MRTFB: variants seen among roughly 807,000 people sequenced by gnomAD.
MRTFB encodes the protein myocardin related transcription factor B, also known as myocardin-related transcription factor B.
MRTFB carries 29 observed loss-of-function variants against 104.2 expected under a neutral mutation model. That is an observed-to-expected ratio of 0.28 (90% CI 0.21 to 0.38). MRTFB has a LOEUF of 0.38. Ranked by LOEUF, MRTFB falls within the 10% of genes least tolerant of loss-of-function variation. MRTFB has a pLI of 1.00. For synonymous variants in MRTFB, 535 were observed against 519.5 expected (o/e 1.03, Z -0.41); for missense variants, 1,270 against 1,341.6 (o/e 0.95, Z 0.83).
intron 2 of MRTFB, among the ~76,000 whole-genome samples, chr16:14,121,520 T>C (rs2036843108): frequency 6.6e-6 from 1 of 152,234 alleles, no homozygotes; most frequent in Admixed American, 6.5e-5. Flanking sequence ...AAAAATTAAA[T>C]AAGTTAGAGA....
chr16:14,058,919 C>T, the MRTFB span, among the ~76,000 whole-genome samples: 1 of 151,710 alleles, frequency 6.6e-6, no homozygotes, highest in Non-Finnish European at 1.5e-5. Flanking sequence ...AGGGTTTTGC[C>T]ATGTTGGCCA....
intron 3 of MRTFB, among the ~76,000 whole-genome samples, chr16:14,154,748 GCTTA>G (rs2038766817): frequency 6.6e-6 from 1 of 152,204 alleles, no homozygotes; most frequent in Non-Finnish European, 1.5e-5. Flanking sequence ...TCATGTCCAA[GCTTA>G]CTTACTTTGC....
the MRTFB span, among the ~76,000 whole-genome samples, chr16:14,064,150 C>G: frequency 6.6e-6 from 1 of 152,250 alleles, no homozygotes; most frequent in East Asian, 1.9e-4. Flanking sequence ...TATTTTTTGA[C>G]TTTTTAATAA....
At chr16:14,208,166 A>G (rs970983961) in intron 3 of MRTFB, among the ~76,000 whole-genome samples, 9 of 152,290 alleles carry the variant, frequency 5.9e-5, no homozygotes, top group Middle Eastern at 6.8e-3. Flanking sequence ...TTAGCATGAA[A>G]GTGTGATTTC....
rs76779292 is a variant in MRTFB, at chr16:14,114,458, G to A, written c.-63-26086G>A. Among the ~76,000 whole-genome samples the A allele has an allele frequency of 1.5e-3, 235 of 152,162 alleles. 2 individuals carry two copies. The highest frequency in any genetic ancestry group is 5.6e-3 in the African/African-American group (233 of 41,506). ...AATTCCCACATTTATTCTATTTTTA[G>A]GTTCCAGCTACCTTCCAGAACATCA... is the stretch of plus-strand genomic sequence containing the variant. On this transcript the variant is annotated intron_variant, in intron 2 of 16. Coordinates refer to ENST00000571589, the MANE Select transcript of MRTFB (RefSeq NM_001308142.2).
rs749106573 is a variant in MRTFB, at chr16:14,247,439, C to T, written c.2179C>T (p.Leu727Phe). 6.2e-7 allele frequency: 1 copy of T among 1,605,700 alleles called. No individual in the cohort carries two copies. The highest frequency in any genetic ancestry group is 1.1e-5 in the South Asian group (1 of 90,422). ...LLTTQTAQLL[L>F]PVSIQGSSVT... The stretch of plus-strand genomic sequence containing the variant: ...GACCACGCAGACTGCTCAGCTGCTG[C>T]TCCCAGTGTCCATCCAGGGCTCGAG... The change falls in exon 12 of 17, where the codon CTC becomes TTC. Residue 727 changes from leucine (L) to phenylalanine (F), a missense_variant. Around this residue, in one of 3 missense-constraint regions of MRTFB, gnomAD observed 1,144 missense variants for 1,131.5 expected, o/e 1.01. Transcript: ENST00000571589.
At chr16:14,032,493 G>A in the MRTFB span, among the ~76,000 whole-genome samples, 4 of 152,148 alleles carry the variant, frequency 2.6e-5, no homozygotes, top group Non-Finnish European at 5.9e-5. Flanking sequence ...AACCAGAAAC[G>A]TACATAAATG....
At chr16:14,115,344 A>G (rs562022581) in intron 2 of MRTFB, among the ~76,000 whole-genome samples, 5 of 152,324 alleles carry the variant, frequency 3.3e-5, no homozygotes, top group Non-Finnish European at 7.4e-5. Flanking sequence ...CTATGATCAC[A>G]TTGCCAAATT....
the MRTFB span, among the ~76,000 whole-genome samples, chr16:14,064,194 C>T: frequency 5.6e-3 from 856 of 152,200 alleles, 7 homozygotes; most frequent in Non-Finnish European, 7.9e-3. Context: ...TGGTATCTCA[C>T]TGTGGTTTTG....
At chr16:14,050,390 G>A in the MRTFB span, among the ~76,000 whole-genome samples, 1 of 151,942 alleles carries the variant, frequency 6.6e-6, no homozygotes, top group Non-Finnish European at 1.5e-5. Context: ...TTGATACAAG[G>A]TCTCACTCTG....
chr16:14,227,590 C>CA (rs1419861223), intron 8 of MRTFB, among the ~76,000 whole-genome samples: 3 of 152,278 alleles, frequency 2.0e-5, no homozygotes, highest in East Asian at 3.9e-4. Context: ...CGGCTCACTA[C>CA]AACCTCCACC....
the MRTFB span, among the ~76,000 whole-genome samples, chr16:14,000,220 C>G: frequency 6.6e-6 from 1 of 152,266 alleles, no homozygotes; most frequent in East Asian, 1.9e-4. Context: ...ACAGTTATCT[C>G]TCTCTGCTTC....
At chr16:14,226,239 A>G (rs1005621966) in intron 8 of MRTFB, among the ~76,000 whole-genome samples, 5 of 152,236 alleles carry the variant, frequency 3.3e-5, no homozygotes, top group African/African-American at 9.7e-5. Flanking sequence ...GGAATCCTGA[A>G]AAACCAAAAC....
chr16:14,156,237 T>G (rs2038824479), intron 3 of MRTFB, among the ~76,000 whole-genome samples: 1 of 152,236 alleles, frequency 6.6e-6, no homozygotes, highest in African/African-American at 2.4e-5. Flanking sequence ...TATTCCATCA[T>G]GGCTGGAAAA....
In MRTFB at chr16:14,094,227, A is replaced by G. The variant is rs983469365; in HGVS notation, c.-64+14873A>G. On this transcript the variant is annotated intron_variant, in intron 2 of 16. Coordinates refer to ENST00000571589, the MANE Select transcript of MRTFB (RefSeq NM_001308142.2). ...AGGTATACAGTATTTCCACTCATTT[A>G]ATTTCCAGTTTTTTTAATGACTGAT... Among the ~76,000 whole-genome samples, 8 of 152,268 alleles carry G rather than the reference A, an allele frequency of 5.3e-5. No individual in the cohort carries two copies. The East Asian group carries it at 1.3e-3, about 26-fold the overall frequency.
chr16:13,995,428 A>G, the MRTFB span, among the ~76,000 whole-genome samples: 1 of 152,206 alleles, frequency 6.6e-6, no homozygotes, highest in Non-Finnish European at 1.5e-5. Flanking sequence ...AAACAAGTTC[A>G]GTTTGCACTT....
the MRTFB span, among the ~76,000 whole-genome samples, chr16:14,045,323 C>G: frequency 6.6e-5 from 10 of 152,200 alleles, no homozygotes; most frequent in African/African-American, 2.4e-4. Flanking sequence ...CCCTAACACT[C>G]GCCTCCTAGG....
chr16:14,248,682 T>C, intron 12 of MRTFB: 1 of 378,074 alleles, frequency 2.6e-6, no homozygotes, highest in Admixed American at 4.3e-5. Context: ...TCTCAAAATT[T>C]TCAAATGAAA....
the MRTFB span, among the ~76,000 whole-genome samples, chr16:13,995,119 C>T: frequency 6.6e-6 from 1 of 152,144 alleles, no homozygotes; most frequent in Non-Finnish European, 1.5e-5. Context: ...TGAATATCTC[C>T]AGCCCTTCGT....
Sources: gnomAD v4.1 joint callset for allele counts (sites outside exome capture counted in the v4.1 genomes callset) on GRCh38, gnomAD v4.1.1 for gene constraint, gnomAD v4.1.1 regional missense constraint, MANE v1.5 for transcripts, NCBI Gene and HGNC (gene_info 2026-07-23, HGNC 2026-07-21) for gene names.